Variants in BBS9 observed in about 807,000 individuals in gnomAD.
BBS9 encodes the protein Bardet-Biedl syndrome 9, also known as protein PTHB1.
A neutral mutation model predicts 117.7 loss-of-function variants in BBS9; 89 were observed. The observed-to-expected ratio is 0.76, with a 90% CI of 0.64 to 0.90. The LOEUF (loss-of-function observed/expected upper bound fraction) is 0.90. BBS9 is among the 40% of genes least tolerant of loss of function. The pLI, the probability that BBS9 is intolerant of heterozygous loss-of-function variation, is 0.00. For missense variants in BBS9, 982 were observed against 1,042.2 expected, an observed-to-expected ratio of 0.94 and a Z score of 0.80; for synonymous variants, 379 against 370.9, an observed-to-expected ratio of 1.02 and a Z score of -0.25.
chr7:33,496,190 C>T (rs1434059281), intron 19 of BBS9, among the ~76,000 whole-genome samples: 1 of 152,026 alleles, frequency 6.6e-6, no homozygotes, highest in Non-Finnish European at 1.5e-5. Context: ...TTAATGGCTA[C>T]CCAAAATGAT....
intron 21 of BBS9, among the ~76,000 whole-genome samples, chr7:33,634,153 T>C (rs1276581300): frequency 6.6e-6 from 1 of 152,152 alleles, no homozygotes; most frequent in Non-Finnish European, 1.5e-5. Flanking sequence ...GACTCCCTGC[T>C]CTCCCAAGTC....
intron 20 of BBS9, among the ~76,000 whole-genome samples, chr7:33,515,208 C>T (rs1279750648): frequency 6.6e-6 from 1 of 152,154 alleles, no homozygotes; most frequent in Non-Finnish European, 1.5e-5. Flanking sequence ...CTCTCTTAGA[C>T]TTATTTAGAC....
intron 18 of BBS9, 91 bp downstream of exon 18, chr7:33,383,929 A>G (rs1825550089): frequency 7.6e-7 from 1 of 1,317,990 alleles, no homozygotes; most frequent in African/African-American, 1.5e-5. Flanking sequence ...GCATGCCATT[A>G]GGCTATGTGC....
At chr7:33,626,950 A>G (rs1219436200) in intron 21 of BBS9, among the ~76,000 whole-genome samples, 1 of 152,244 alleles carries the variant, frequency 6.6e-6, no homozygotes, top group African/African-American at 2.4e-5. Context: ...ATTTTCTGGG[A>G]AGGAATTCAG....
At chr7:33,425,635 G>A (rs1833553300) in intron 19 of BBS9, among the ~76,000 whole-genome samples, 1 of 152,194 alleles carries the variant, frequency 6.6e-6, no homozygotes, top group Non-Finnish European at 1.5e-5. Flanking sequence ...ACAGCAGCTT[G>A]CGTGTCTGGT....
chr7:33,182,081 C>T lies in BBS9; in HGVS notation c.442+4490C>T, dbSNP rs533781056. Among the ~76,000 whole-genome samples the T allele has an allele frequency of 5.4e-4, 81 of 150,352 alleles. 1 individual carries two copies. Among genetic ancestry groups the T allele is most frequent in the African/African-American group, 1.8e-3 (74 of 41,440 alleles). ...CAGCCTGGGTGACAGAGCGAGACTC[C>T]GTCTCAAACAAAACAAAACAAAACA... On this transcript the variant is annotated intron_variant, in intron 5 of 22. Coordinates refer to ENST00000242067, the MANE Select transcript of BBS9 (RefSeq NM_198428.3).
chr7:33,177,615 A>G (rs755035606), intron 5 of BBS9, 24 bp downstream of exon 5: 3 of 1,448,330 alleles, frequency 2.1e-6, no homozygotes, highest in African/African-American at 1.4e-5. Flanking sequence ...AATCATGAGT[A>G]TGCTATTTCA....
chr7:33,459,331 G>C (rs537984926), intron 19 of BBS9, among the ~76,000 whole-genome samples: 1 of 151,926 alleles, frequency 6.6e-6, no homozygotes, highest in African/African-American at 2.4e-5. Context: ...GGCAAAGTCT[G>C]GGGGCATTTT....
At chr7:33,315,853 A>G (rs1047120748) in intron 9 of BBS9, among the ~76,000 whole-genome samples, 1 of 152,178 alleles carries the variant, frequency 6.6e-6, no homozygotes, top group Admixed American at 6.5e-5. Flanking sequence ...ATACAAAGTA[A>G]ATAGTATAAT....
chr7:33,620,527 A>G (rs1481829112), intron 21 of BBS9, among the ~76,000 whole-genome samples: 3 of 152,114 alleles, frequency 2.0e-5, no homozygotes, highest in Non-Finnish European at 4.4e-5. Flanking sequence ...TCAGGAATAA[A>G]TTTAGCCAAG....
At chr7:33,207,275 C>T (rs1286343567) in intron 5 of BBS9, among the ~76,000 whole-genome samples, 1 of 152,172 alleles carries the variant, frequency 6.6e-6, no homozygotes, top group Non-Finnish European at 1.5e-5. Context: ...ATAATCTTTA[C>T]TGTGGTAGTT....
chr7:33,521,606 A>C (rs1848605077), intron 20 of BBS9, among the ~76,000 whole-genome samples: 1 of 144,758 alleles, frequency 6.9e-6, no homozygotes, highest in Non-Finnish European at 1.5e-5. Context: ...GAAAAAATTA[A>C]AGCTGATTTT....
At chr7:33,357,740 A>T in intron 15 of BBS9, 115 bp from the exon 16 acceptor site, 1 of 1,048,022 alleles carries the variant, frequency 9.5e-7, no homozygotes, top group Non-Finnish European at 1.5e-6. Flanking sequence ...TAAGCAAAAT[A>T]GGCAGGCAAC....
chr7:33,404,930 A>C (rs1829640203), intron 19 of BBS9, among the ~76,000 whole-genome samples: 1 of 152,060 alleles, frequency 6.6e-6, no homozygotes, highest in Admixed American at 6.6e-5. Context: ...GCCAGTTTTC[A>C]AAGGGAATGC....
intron 9 of BBS9, among the ~76,000 whole-genome samples, chr7:33,305,796 TTTTTC>T (rs1807789297): frequency 6.6e-6 from 1 of 152,142 alleles, no homozygotes; most frequent in Admixed American, 6.5e-5. Flanking sequence ...CTTCTGTCTT[TTTTTC>T]TTACGCTGGC....
intron 4 of BBS9, among the ~76,000 whole-genome samples, chr7:33,169,090 T>C (rs1252544136): frequency 6.6e-6 from 1 of 152,152 alleles, no homozygotes; most frequent in Admixed American, 6.5e-5. Context: ...GATAGTTTAC[T>C]GAGAATGATG....
At chr7:33,410,157 C>T (rs1380420978) in intron 19 of BBS9, among the ~76,000 whole-genome samples, 1 of 152,168 alleles carries the variant, frequency 6.6e-6, no homozygotes, top group East Asian at 1.9e-4. Context: ...TGAAATAATT[C>T]ATGACTGTTT....
chr7:33,177,472 C>G lies in BBS9; in HGVS notation c.329-6C>G. On this transcript the variant is annotated splice_region_variant and splice_polypyrimidine_tract_variant and intron_variant, in intron 4 of 22. Transcript: ENST00000242067. Reference sequence around the variant, plus strand: ...TACAAAGTAATCCTTTTTTTTTTTTCCTTAGGAACCTTGGGTAATGTGGAA... The same window carrying G: ...TACAAAGTAATCCTTTTTTTTTTTTGCTTAGGAACCTTGGGTAATGTGGAA... The G allele has an allele frequency of 2.1e-6, 3 of 1,463,336 alleles. No individual in the cohort carries two copies. Among genetic ancestry groups the G allele is most frequent in the Non-Finnish European group, 2.8e-6 (3 of 1,074,996 alleles). 90.6% of individuals were successfully genotyped at this position (1,463,336 alleles called of 1,614,324 possible). A position where few individuals can be genotyped will look rare whatever the true frequency, so the allele number is the denominator to read the frequency against.
At chr7:33,384,193 G>A (rs766971345) in intron 18 of BBS9, among the ~76,000 whole-genome samples, 8 of 152,244 alleles carry the variant, frequency 5.3e-5, no homozygotes, top group Non-Finnish European at 1.0e-4. Context: ...TAAATGAGGT[G>A]TGATTATAAA....
Sources: allele counts gnomAD v4.1 joint callset (sites outside exome capture counted in the v4.1 genomes callset), GRCh38; gene constraint gnomAD v4.1.1; transcripts MANE v1.5; gene names NCBI Gene and HGNC (gene_info 2026-07-23, HGNC 2026-07-21).